The following PDE4B variants were observed in gnomAD, a reference collection of about 807,000 sequenced individuals.
PDE4B encodes 3',5'-cyclic-AMP phosphodiesterase 4B.
A neutral mutation model predicts 82.2 loss-of-function variants in PDE4B; 20 were observed. That is an observed-to-expected ratio of 0.24 (90% CI 0.17 to 0.35). PDE4B has a LOEUF of 0.35. Among genes scored for constraint, PDE4B ranks in the 10% least tolerant of loss-of-function variants. The pLI is 1.00. For missense variants in PDE4B, 655 were observed against 907.2 expected, an observed-to-expected ratio of 0.72 and a Z score of 3.57; for synonymous variants, 320 against 318.9, an observed-to-expected ratio of 1.00 and a Z score of -0.04.
At chr1:65,916,411 T>C (rs1214657726) in intron 2 of PDE4B, among the ~76,000 whole-genome samples, 1 of 151,982 alleles carries the variant, frequency 6.6e-6, no homozygotes, top group Non-Finnish European at 1.5e-5. Context: ...AGTTCTTTTT[T>C]CTAAAGAAGA....
chr1:66,083,499 A>G (rs1222218556), intron 3 of PDE4B, among the ~76,000 whole-genome samples: 1 of 152,096 alleles, frequency 6.6e-6, no homozygotes, highest in Non-Finnish European at 1.5e-5. Context: ...TTTAATTTTT[A>G]TAAAACCAAG....
At chr1:66,187,744 C>T (rs549236240) in intron 3 of PDE4B, among the ~76,000 whole-genome samples, 46 of 151,864 alleles carry the variant, frequency 3.0e-4, no homozygotes, top group Non-Finnish European at 4.6e-4. Context: ...ATTAGTCTTG[C>T]TAGCGGTCTA....
At chr1:66,337,397 C>G (rs1890196) in intron 8 of PDE4B, among the ~76,000 whole-genome samples, 5 of 151,982 alleles carry the variant, frequency 3.3e-5, no homozygotes, top group African/African-American at 1.2e-4. Flanking sequence ...ACCCACTTCC[C>G]GGCCACACAA....
intron 3 of PDE4B, among the ~76,000 whole-genome samples, chr1:65,921,413 G>T (rs1269921157): frequency 6.6e-6 from 1 of 152,102 alleles, no homozygotes; most frequent in African/African-American, 2.4e-5. Flanking sequence ...TATCATCAAT[G>T]CCATCAACTT....
intron 3 of PDE4B, among the ~76,000 whole-genome samples, chr1:66,112,994 C>A (rs1372309127): frequency 6.6e-6 from 1 of 152,156 alleles, no homozygotes; most frequent in African/African-American, 2.4e-5. Flanking sequence ...TTTAAAGTGA[C>A]CAAGTTTCTT....
intron 3 of PDE4B, among the ~76,000 whole-genome samples, chr1:66,038,758 C>T (rs983168378): frequency 6.6e-6 from 1 of 151,876 alleles, no homozygotes; most frequent in Admixed American, 6.6e-5. Context: ...GATTGTTGAG[C>T]GATTGGAATA....
At chr1:66,352,717 GT>G (rs5774811) in intron 8 of PDE4B, among the ~76,000 whole-genome samples, 84,057 of 151,264 alleles carry the variant, frequency 0.56, 24,009 homozygotes, top group East Asian at 0.81. Flanking sequence ...TTGTTCCTTT[GT>G]TTTTTTTTCA....
At chr1:66,255,068 TTTTCTCTTTCTTTC>T (rs1193257621) in intron 4 of PDE4B, among the ~76,000 whole-genome samples, 6 of 152,080 alleles carry the variant, frequency 3.9e-5, no homozygotes, top group South Asian at 2.1e-4. Context: ...TCTTTTCTTT[TTTTCTCTTTCTTTC>T]TTTCTCTTTC....
chr1:65,943,377 G>A (rs1648545567), intron 3 of PDE4B, among the ~76,000 whole-genome samples: 1 of 151,926 alleles, frequency 6.6e-6, no homozygotes, highest in Admixed American at 6.6e-5. Context: ...TTTTATGACA[G>A]CACCATGCTG....
intron 5 of PDE4B, 42 bp from the exon 6 acceptor site, chr1:66,257,751 G>A: frequency 6.2e-7 from 1 of 1,608,036 alleles, no homozygotes; most frequent in Non-Finnish European, 8.5e-7. Context: ...CTGGCCATTT[G>A]TCTTCTTTTG....
chr1:65,905,907 A>G (rs1370797445), intron 1 of PDE4B, among the ~76,000 whole-genome samples: 2 of 152,138 alleles, frequency 1.3e-5, no homozygotes, highest in African/African-American at 4.8e-5. Context: ...GCCAAGGACT[A>G]TGTATATTCG....
Position 66,280,806 on chromosome 1 carries a change from C to T in PDE4B, c.634+14719C>T, listed in dbSNP as rs545979507. On this transcript the variant is annotated intron_variant, in intron 7 of 16. Coordinates refer to ENST00000341517, the MANE Select transcript of PDE4B (RefSeq NM_002600.4). ...ATGTTTCCGGTAAGTCTTTTAAAGACATTTGGCTCCTGCCTCTGGTCTTGA... is the reference window on the plus strand; with the variant it reads ...ATGTTTCCGGTAAGTCTTTTAAAGATATTTGGCTCCTGCCTCTGGTCTTGA... Among the ~76,000 whole-genome samples the T allele has an allele frequency of 8.1e-4, 124 of 152,244 alleles. 1 individual carries two copies. The highest frequency in any genetic ancestry group is 6.8e-3 in the Middle Eastern group (2 of 294).
Position 66,365,697 on chromosome 1 carries a change from G to A in PDE4B, c.1315G>A (p.Ala439Thr). Residue 439 changes from alanine (A) to threonine (T), a missense_variant, in exon 13 of 17, where the codon GCC becomes ACC. By Grantham distance (58) the Ala-to-Thr change is moderately conservative (BLOSUM62 0). Around this residue, in one of 3 missense-constraint regions of PDE4B, gnomAD observed 283 missense variants for 516.4 expected, o/e 0.55. Transcript: ENST00000341517. Reference protein sequence around the residue: ...AVFTDLEILAAIFAAAIHDVD... With the variant: ...AVFTDLEILATIFAAAIHDVD... ...CTTCACAGATTTGGAGATCCTGGCT[G>A]CCATTTTTGCAGCTGCCATCCATGA... 6.2e-7 allele frequency: 1 copy of A among 1,609,362 alleles called. No homozygotes were observed. The highest frequency in any genetic ancestry group is 8.5e-7 in the Non-Finnish European group (1 of 1,176,496).
At chr1:66,081,345 G>C (rs1246287850) in intron 3 of PDE4B, among the ~76,000 whole-genome samples, 1 of 152,030 alleles carries the variant, frequency 6.6e-6, no homozygotes, top group African/African-American at 2.4e-5. Context: ...AGTCCCACCA[G>C]CCTTTGTCTG....
At chr1:66,140,459 A>T (rs1317797373) in intron 3 of PDE4B, among the ~76,000 whole-genome samples, 1 of 152,252 alleles carries the variant, frequency 6.6e-6, no homozygotes. Context: ...AAAAGAACTG[A>T]AGATTCTTGA....
chr1:66,022,881 T>C (rs1653216759), intron 3 of PDE4B, among the ~76,000 whole-genome samples: 1 of 152,202 alleles, frequency 6.6e-6, no homozygotes, highest in African/African-American at 2.4e-5. Flanking sequence ...TCAGAAGGAA[T>C]GGTACCAGTT....
chr1:65,883,950 G>A (rs1646740087), intron 1 of PDE4B, among the ~76,000 whole-genome samples: 1 of 152,228 alleles, frequency 6.6e-6, no homozygotes, highest in East Asian at 1.9e-4. Flanking sequence ...TTTATATGCT[G>A]GATTACATTT....
intron 7 of PDE4B, among the ~76,000 whole-genome samples, chr1:66,328,280 G>T (rs534462106): frequency 6.6e-6 from 1 of 152,318 alleles, no homozygotes; most frequent in Non-Finnish European, 1.5e-5. Context: ...AAGGGAGGTT[G>T]GTTCTCCCTA....
At chr1:66,065,476 A>G (rs1655796638) in intron 3 of PDE4B, among the ~76,000 whole-genome samples, 1 of 151,962 alleles carries the variant, frequency 6.6e-6, no homozygotes, top group Non-Finnish European at 1.5e-5. Context: ...CAAGCAAAAC[A>G]AAACAAAACC....
Sources: gnomAD v4.1 joint callset for allele counts (sites outside exome capture counted in the v4.1 genomes callset) on GRCh38, gnomAD v4.1.1 for gene constraint, gnomAD v4.1.1 regional missense constraint, MANE v1.5 for transcripts, NCBI Gene and HGNC (gene_info 2026-07-23, HGNC 2026-07-21) for gene names.